The following PTPRD variants were observed in gnomAD, a reference collection of about 807,000 sequenced individuals.
The protein encoded by PTPRD is protein tyrosine phosphatase receptor type D.
Under a neutral mutation model 214.5 loss-of-function variants are expected in PTPRD, and 34 were observed. The observed-to-expected ratio is 0.16, with a 90% CI of 0.12 to 0.21. The LOEUF (loss-of-function observed/expected upper bound fraction) is 0.21. Among genes scored for constraint, PTPRD ranks in the 10% least tolerant of loss-of-function variants. The pLI is 1.00. For missense variants in PTPRD, 2,545 were observed against 2,398.7 expected (o/e 1.06, Z -1.27); for synonymous variants, 1,128 against 845.7 (o/e 1.33, Z -5.79).
In PTPRD at chr9:8,347,634, G is replaced by C. The variant is rs570040284; in HGVS notation, c.4662-5656C>G. Among the ~76,000 whole-genome samples the C allele has an allele frequency of 2.6e-5, 4 of 152,226 alleles. No homozygotes were observed. The East Asian group carries it at 7.7e-4, about 29-fold the overall frequency. ...CTTCTCAAAATTCATATGTTGAAAC[G>C]CTAACCCCCAGTGTGACTGTATTGG... is the stretch of plus-strand genomic sequence containing the variant. On this transcript the variant is annotated intron_variant, in intron 39 of 45. Coordinates refer to ENST00000381196, the MANE Select transcript of PTPRD (RefSeq NM_002839.4).
intron 11 of PTPRD, among the ~76,000 whole-genome samples, chr9:8,988,642 A>G (rs2099354613): frequency 6.6e-6 from 1 of 152,102 alleles, no homozygotes; most frequent in African/African-American, 2.4e-5. Context: ...AAATGATTTA[A>G]CAGTGTAATC....
At chr9:10,140,608 T>C (rs1326650088) in intron 3 of PTPRD, among the ~76,000 whole-genome samples, 1 of 151,944 alleles carries the variant, frequency 6.6e-6, no homozygotes, top group Non-Finnish European at 1.5e-5. Flanking sequence ...CAATAATCAA[T>C]AGCTTACCAA....
At chr9:10,606,372 C>A (rs2079355172) in intron 2 of PTPRD, among the ~76,000 whole-genome samples, 1 of 151,742 alleles carries the variant, frequency 6.6e-6, no homozygotes, top group Non-Finnish European at 1.5e-5. Flanking sequence ...GAATTTCTAA[C>A]TTTGATTATA....
intron 5 of PTPRD, among the ~76,000 whole-genome samples, chr9:9,916,842 A>T (rs906338565): frequency 1.3e-5 from 2 of 152,044 alleles, no homozygotes; most frequent in African/African-American, 4.8e-5. Context: ...AACAAGTTTA[A>T]ATATTTTTTA....
intron 7 of PTPRD, among the ~76,000 whole-genome samples, chr9:9,676,811 C>G (rs1323056040): frequency 6.6e-6 from 1 of 151,996 alleles, no homozygotes; most frequent in East Asian, 1.9e-4. Flanking sequence ...TTTTAATGAT[C>G]GCCATTTTAA....
At chr9:9,519,554 T>C (rs2096916061) in intron 8 of PTPRD, among the ~76,000 whole-genome samples, 2 of 151,916 alleles carry the variant, frequency 1.3e-5, no homozygotes, top group African/African-American at 4.8e-5. Context: ...TACAAAAGGA[T>C]CGTATGAACA....
intron 4 of PTPRD, among the ~76,000 whole-genome samples, chr9:9,988,166 A>G (rs2095788444): frequency 6.6e-6 from 1 of 152,172 alleles, no homozygotes; most frequent in African/African-American, 2.4e-5. Context: ...CATAATGATT[A>G]AATTCTGCTA....
rs147253534 is a variant in PTPRD, at chr9:9,248,207, C to T, written c.-202-64844G>A. On this transcript the variant is annotated intron_variant, in intron 9 of 45. Transcript: ENST00000381196. ...TCCCAGGTTCAAGTGATTCTCCTGC[C>T]TAAGCCTCCCGAGCAGCTGGGATTA... Among the ~76,000 whole-genome samples, 1,466 of 152,020 alleles carry T rather than the reference C, an allele frequency of 9.6e-3. 29 individuals carry two copies. Among genetic ancestry groups the T allele is most frequent in the East Asian group, 0.064 (325 of 5,112 alleles).
At chr9:9,546,391 T>C (rs1403902233) in intron 8 of PTPRD, among the ~76,000 whole-genome samples, 1 of 151,802 alleles carries the variant, frequency 6.6e-6, no homozygotes, top group Non-Finnish European at 1.5e-5. Context: ...ATACCAGATG[T>C]TTCTTTTCTG....
At chr9:8,858,757 A>T (rs1000059663) in intron 11 of PTPRD, among the ~76,000 whole-genome samples, 11 of 150,972 alleles carry the variant, frequency 7.3e-5, no homozygotes, top group African/African-American at 1.5e-4. Context: ...AGAGAGCCGG[A>T]TAAAGGAGGG....
At position 8,518,383 on chromosome 9, in the gene PTPRD, A is replaced by G. The variant is rs2097823825; in HGVS notation, c.1008T>C (p.Ala336=). Residue 336 remains alanine, a synonymous_variant, in exon 21 of 46, where the codon GCT becomes GCC. Transcript: ENST00000381196. The part of the protein sequence containing the change: ...PGTPVVTEST[A]TSITLTWDSG... ...AGTCCCACGTCAGTGTGATGCTTGT[A>G]GCTGTGCTCTCGGTCACTACAGGAG... is the stretch of plus-strand genomic sequence containing the variant. 1 of 1,613,844 alleles carries G rather than the reference A, an allele frequency of 6.2e-7. No individual in the cohort carries two copies. The highest frequency in any genetic ancestry group is 8.5e-7 in the Non-Finnish European group (1 of 1,179,908).
chr9:9,749,471 C>G (rs191573026), intron 6 of PTPRD, among the ~76,000 whole-genome samples: 6 of 151,978 alleles, frequency 3.9e-5, no homozygotes, highest in Admixed American at 3.3e-4. Context: ...TTTATTGATC[C>G]CCTAAACCCT....
At chr9:9,368,989 T>A (rs878860948) in intron 9 of PTPRD, among the ~76,000 whole-genome samples, 1 of 151,848 alleles carries the variant, frequency 6.6e-6, no homozygotes, top group Non-Finnish European at 1.5e-5. Flanking sequence ...TCAATTCCCA[T>A]CTATGAGTGA....
intron 11 of PTPRD, among the ~76,000 whole-genome samples, chr9:8,845,603 A>G (rs1008172970): frequency 6.6e-6 from 1 of 152,240 alleles, no homozygotes; most frequent in African/African-American, 2.4e-5. Flanking sequence ...GTCCCATGCC[A>G]CCCAGCAAGT....
intron 10 of PTPRD, among the ~76,000 whole-genome samples, chr9:9,132,377 C>T (rs2099844214): frequency 6.6e-6 from 1 of 152,052 alleles, no homozygotes; most frequent in Admixed American, 6.6e-5. Flanking sequence ...CCATCTGTAC[C>T]TAATCTGCAA....
chr9:10,134,621 C>T (rs1345077017), intron 3 of PTPRD, among the ~76,000 whole-genome samples: 1 of 152,046 alleles, frequency 6.6e-6, no homozygotes, highest in Non-Finnish European at 1.5e-5. Flanking sequence ...AGATACTTTG[C>T]CCTCTGAAAG....
intron 5 of PTPRD, among the ~76,000 whole-genome samples, chr9:9,769,782 C>G (rs550797419): frequency 6.6e-6 from 1 of 152,176 alleles, no homozygotes; most frequent in East Asian, 1.9e-4. Context: ...CCAACAGGCC[C>G]CGGTGTGTGA....
At chr9:9,005,730 T>G (rs2099460545) in intron 11 of PTPRD, among the ~76,000 whole-genome samples, 1 of 152,068 alleles carries the variant, frequency 6.6e-6, no homozygotes, top group Non-Finnish European at 1.5e-5. Flanking sequence ...TCACTGGCTA[T>G]AACCATGACT....
chr9:8,331,440 A>AGAG (rs1840936739), intron 44 of PTPRD, 142 bp downstream of exon 44: 1 of 979,354 alleles, frequency 1.0e-6, no homozygotes, highest in Admixed American at 3.1e-5. Context: ...ATGAAAAGAA[A>AGAG]GAGAAATCAA....
Sources: allele counts gnomAD v4.1 joint callset (sites outside exome capture counted in the v4.1 genomes callset), GRCh38; gene constraint gnomAD v4.1.1; transcripts MANE v1.5; gene names NCBI Gene and HGNC (gene_info 2026-07-23, HGNC 2026-07-21).